Variants in BACH2 observed in about 807,000 individuals in gnomAD.
BACH2 encodes transcription regulator protein BACH2.
In BACH2, 5 loss-of-function variants were observed where a neutral mutation model predicts 61.8. The observed-to-expected ratio is 0.08, with a 90% confidence interval of 0.04 to 0.17. The LOEUF (loss-of-function observed/expected upper bound fraction) is 0.17. Ranked by LOEUF, BACH2 falls within the 10% of genes least tolerant of loss-of-function variation. BACH2 has a pLI of 1.00. For missense variants in BACH2, 824 were observed against 1,091.1 expected (o/e 0.76, Z 3.45); for synonymous variants, 446 against 440.1 (o/e 1.01, Z -0.17).
At chr6:90,217,676 T>C (rs891628945) in intron 3 of BACH2, among the ~76,000 whole-genome samples, 7 of 152,094 alleles carry the variant, frequency 4.6e-5, no homozygotes, top group African/African-American at 1.7e-4. Context: ...AAAGTCCCTA[T>C]CCAAACAAAG....
chr6:90,000,416 C>T (rs1449263791), intron 6 of BACH2, among the ~76,000 whole-genome samples: 1 of 152,140 alleles, frequency 6.6e-6, no homozygotes, highest in Non-Finnish European at 1.5e-5. Context: ...TCATCTGCTG[C>T]CAAGTCTTAC....
intron 7 of BACH2, among the ~76,000 whole-genome samples, chr6:89,946,640 C>A (rs943860425): frequency 1.3e-5 from 2 of 152,110 alleles, no homozygotes; most frequent in East Asian, 3.8e-4. Context: ...CCTGTGTGAT[C>A]GACCTACAGC....
At chr6:90,265,250 T>C (rs1388109438) in intron 2 of BACH2, among the ~76,000 whole-genome samples, 3 of 152,154 alleles carry the variant, frequency 2.0e-5, no homozygotes, top group African/African-American at 7.2e-5. Flanking sequence ...GACAGTTGCT[T>C]CTCCCTTTTT....
chr6:90,055,001 G>T (rs1435849353), intron 5 of BACH2, among the ~76,000 whole-genome samples: 1 of 152,180 alleles, frequency 6.6e-6, no homozygotes, highest in African/African-American at 2.4e-5. Context: ...ACCAAAGGTA[G>T]ATAAAACCAC....
Position 89,951,241 on chromosome 6 carries a change from T to A in BACH2, c.865A>T (p.Ile289Phe). The A allele has an allele frequency of 6.2e-7, 1 of 1,614,174 alleles. No homozygotes were observed. The highest frequency in any genetic ancestry group is 8.5e-7 in the Non-Finnish European group (1 of 1,180,036). The change falls in exon 7 of 9, where the codon ATC becomes TTC. Residue 289 changes from isoleucine to phenylalanine, a missense_variant. Transcript: ENST00000257749. The surrounding 1 kb of genome is among the most constrained non-coding windows in gnomAD (Gnocchi z 6.4). ...TCATCTCCAGACAGGCAGAGCGTGATGCTCTCTTCCTCATTCTCTTCACTG... is the reference window on the plus strand; with the variant it reads ...TCATCTCCAGACAGGCAGAGCGTGAAGCTCTCTTCCTCATTCTCTTCACTG... ...PPSEENEEES[I>F]TLCLSGDEPD... is the part of the protein sequence containing the mutation.
chr6:90,213,710 T>C (rs1207227560), intron 3 of BACH2, among the ~76,000 whole-genome samples: 1 of 152,208 alleles, frequency 6.6e-6, no homozygotes, highest in Non-Finnish European at 1.5e-5. Context: ...AGAAGAGATC[T>C]TGTCTATTTT....
At chr6:89,957,114 C>T (rs2065572263) in intron 6 of BACH2, among the ~76,000 whole-genome samples, 1 of 152,188 alleles carries the variant, frequency 6.6e-6, no homozygotes, top group Non-Finnish European at 1.5e-5. Context: ...CTGACAACCC[C>T]TCTGGGTTGT....
Position 90,167,158 on chromosome 6 carries a change from G to T in BACH2, c.-162+39411C>A, listed in dbSNP as rs926812836. Among the ~76,000 whole-genome samples, 7 of 152,254 alleles carry T rather than the reference G, an allele frequency of 4.6e-5. No individual in the cohort carries two copies. In the South Asian group the frequency reaches 6.2e-4, roughly 14 times the overall value. ...TTTGTCCTCTCAAAAAATTCCTGAT[G>T]TCAACTCCTATTTGTATCATTTGCC... On this transcript the variant is annotated intron_variant, in intron 4 of 8. Coordinates refer to ENST00000257749, the MANE Select transcript of BACH2 (RefSeq NM_021813.4).
chr6:90,090,058 C>T (rs1582341312), intron 4 of BACH2, among the ~76,000 whole-genome samples: 1 of 152,200 alleles, frequency 6.6e-6, no homozygotes, highest in Admixed American at 6.5e-5. Flanking sequence ...GGCCAGTATT[C>T]TTTTCAGATA....
At chr6:90,018,717 T>C (rs1413116359) in intron 5 of BACH2, among the ~76,000 whole-genome samples, 1 of 152,232 alleles carries the variant, frequency 6.6e-6, no homozygotes, top group Non-Finnish European at 1.5e-5. Flanking sequence ...CAAAGATGCC[T>C]CTGTGAAGAA....
chr6:90,174,600 A>G (rs1297459612), intron 4 of BACH2, among the ~76,000 whole-genome samples: 1 of 152,068 alleles, frequency 6.6e-6, no homozygotes, highest in Non-Finnish European at 1.5e-5. Context: ...GATATAAAGA[A>G]TCTACAAATT....
intron 5 of BACH2, among the ~76,000 whole-genome samples, chr6:90,073,999 G>T (rs189709635): frequency 1.3e-5 from 2 of 152,166 alleles, no homozygotes; most frequent in African/African-American, 4.8e-5. Context: ...AAGAGGTGCC[G>T]CATTTCCTGA....
intron 6 of BACH2, among the ~76,000 whole-genome samples, chr6:89,975,573 TC>T (rs1240315161): frequency 6.6e-6 from 1 of 152,218 alleles, no homozygotes; most frequent in African/African-American, 2.4e-5. Flanking sequence ...TCTTCCTTCT[TC>T]CTCTGCCTGG....
rs772300752 is a variant in BACH2, at chr6:89,932,489, G to A, written c.2445C>T (p.Ser815=). 5 of 1,614,060 alleles carry A rather than the reference G, an allele frequency of 3.1e-6. No individual in the cohort carries two copies. The highest frequency in any genetic ancestry group is 2.2e-5 in the East Asian group (1 of 44,878). Residue 815 remains serine (S), a synonymous_variant, in exon 9 of 9, where the codon AGC becomes AGT. Coordinates refer to ENST00000257749, the MANE Select transcript of BACH2 (RefSeq NM_021813.4). ...GGCAGAAGTCCACGGTCACTGTTTG[G>A]CTCCTGGGTTCAAGAGGAGGTCCTC... The part of the protein sequence containing the change: ...SERGPPLEPR[S]QTVTVDFCQE...
At chr6:90,255,619 C>T (rs1770951784) in intron 2 of BACH2, among the ~76,000 whole-genome samples, 2 of 152,164 alleles carry the variant, frequency 1.3e-5, no homozygotes, top group Non-Finnish European at 2.9e-5. Context: ...GCAAAGGAAA[C>T]ACAATGAGAC....
intron 4 of BACH2, among the ~76,000 whole-genome samples, chr6:90,156,002 T>A (rs1158954882): frequency 6.6e-6 from 1 of 152,148 alleles, no homozygotes; most frequent in Non-Finnish European, 1.5e-5. Flanking sequence ...TTTTCCCCAA[T>A]GGAAATCACC....
rs775585764 is a variant in BACH2 at position 89,950,379 on chromosome 6, C to T, written c.1727G>A (p.Arg576Gln). Residue 576 changes from arginine to glutamine, a missense_variant, in exon 7 of 9, where the codon CGG becomes CAG. By Grantham distance (43) the Arg-to-Gln change is conservative. This residue lies in a region of BACH2 where 160 missense variants were observed against 283.5 expected (regional missense o/e 0.56). Transcript: ENST00000257749. The surrounding 1 kb of genome is among the most constrained non-coding windows in gnomAD (Gnocchi z 5.3). ...AGACTGCTCACATTTAATTTGGGGC[C>T]GCACTTGGTTGTACATTCCATCTCC... is the stretch of plus-strand genomic sequence containing the variant. ...LMGDGMYNQVRPQIKCEQSYG... is the reference protein window; with the variant it reads ...LMGDGMYNQVQPQIKCEQSYG... 37 of 1,614,038 alleles carry T rather than the reference C, an allele frequency of 2.3e-5. No homozygotes were observed. Among genetic ancestry groups the T allele is most frequent in the Non-Finnish European group, 3.0e-5 (35 of 1,180,044 alleles).
chr6:90,207,769 A>G (rs1428140193), intron 3 of BACH2, among the ~76,000 whole-genome samples: 2 of 152,174 alleles, frequency 1.3e-5, no homozygotes, highest in Admixed American at 6.5e-5. Context: ...CACCATAACC[A>G]TCTTTAGTTC....
intron 5 of BACH2, among the ~76,000 whole-genome samples, chr6:90,050,969 ACCAT>A (rs1195728478): frequency 5.3e-5 from 8 of 151,990 alleles, no homozygotes; most frequent in Non-Finnish European, 1.2e-4. Flanking sequence ...ATGGGGTTTC[ACCAT>A]GTTGGCCAGG....
Sources: allele counts gnomAD v4.1 joint callset (sites outside exome capture counted in the v4.1 genomes callset), GRCh38; gene constraint gnomAD v4.1.1; regional missense constraint gnomAD v4.1.1; non-coding constraint Gnocchi (gnomAD v3.1); transcripts MANE v1.5; gene names NCBI Gene and HGNC (gene_info 2026-07-23, HGNC 2026-07-21).